Variants in RETREG1 observed in about 807,000 individuals in gnomAD.
The protein encoded by RETREG1 is reticulophagy regulator 1.
RETREG1 carries 44 observed loss-of-function variants against 54.8 expected under a neutral mutation model. The observed-to-expected ratio is 0.80, with a 90% CI of 0.63 to 1.03. The LOEUF is 1.03. RETREG1 is among the 50% of genes least tolerant of loss of function. RETREG1 has a pLI of 0.00. For missense variants in RETREG1, 554 were observed against 605.1 expected, an observed-to-expected ratio of 0.92 and a Z score of 0.89; for synonymous variants, 217 against 238.5, an observed-to-expected ratio of 0.91 and a Z score of 0.83.
chr5:16,547,604 G>A (rs1182488196), intron 3 of RETREG1, among the ~76,000 whole-genome samples: 1 of 152,188 alleles, frequency 6.6e-6, no homozygotes, highest in East Asian at 1.9e-4. Flanking sequence ...GTGAGACTTT[G>A]CCAAAGAATA....
chr5:16,550,492 T>G (rs544328100), intron 3 of RETREG1, among the ~76,000 whole-genome samples: 214 of 152,228 alleles, frequency 1.4e-3, no homozygotes, highest in Non-Finnish European at 2.6e-3. Flanking sequence ...CATCTGCCAG[T>G]CCACCTGTCC....
At chr5:16,569,481 G>A (rs1007538322) in intron 2 of RETREG1, among the ~76,000 whole-genome samples, 2 of 151,988 alleles carry the variant, frequency 1.3e-5, no homozygotes, top group Non-Finnish European at 2.9e-5. Flanking sequence ...CACAGAAAGG[G>A]GCTCAACACG....
chr5:16,575,079 G>A (rs188956195), intron 1 of RETREG1, among the ~76,000 whole-genome samples: 75 of 152,250 alleles, frequency 4.9e-4, no homozygotes, highest in Middle Eastern at 6.8e-3. Flanking sequence ...CAGTTTTCCC[G>A]ACCTCACGTT....
intron 3 of RETREG1, among the ~76,000 whole-genome samples, chr5:16,544,390 A>G (rs2126609865): frequency 6.6e-6 from 1 of 152,280 alleles, no homozygotes; most frequent in Non-Finnish European, 1.5e-5. Flanking sequence ...TCCCTTAGCT[A>G]TGTCAGTTAA....
At chr5:16,555,653 T>C (rs960137477) in intron 3 of RETREG1, among the ~76,000 whole-genome samples, 1 of 152,238 alleles carries the variant, frequency 6.6e-6, no homozygotes, top group East Asian at 1.9e-4. Context: ...GGTATTCTTC[T>C]GTGTAGTTTC....
chr5:16,522,628 T>C (rs1020034344), intron 3 of RETREG1, among the ~76,000 whole-genome samples: 2 of 152,174 alleles, frequency 1.3e-5, no homozygotes, highest in African/African-American at 4.8e-5. Flanking sequence ...CCACGATAAT[T>C]CCTCATGAGG....
In RETREG1 at chr5:16,585,150, C is replaced by T. The variant is rs1191146982; in HGVS notation, c.321-13048G>A. ...GGTGGGTAGTAACAATCAGAGTCTG[C>T]TGCAGTGGAGGAGGGGAATAACCTT... On this transcript the variant is annotated intron_variant, in intron 1 of 8. Coordinates refer to ENST00000306320, the MANE Select transcript of RETREG1 (RefSeq NM_001034850.3). This position sits in a 1 kb window ranked among gnomAD's most constrained non-coding sequence, Gnocchi z 4.5. 6.6e-6 allele frequency among the ~76,000 whole-genome samples: 1 copy of T among 152,150 alleles called. No homozygotes were observed. Among genetic ancestry groups the T allele is most frequent in the East Asian group, 1.9e-4 (1 of 5,188 alleles).
intron 3 of RETREG1, among the ~76,000 whole-genome samples, chr5:16,541,631 G>A (rs1741248344): frequency 6.6e-6 from 1 of 151,988 alleles, no homozygotes; most frequent in Non-Finnish European, 1.5e-5. Flanking sequence ...AGGTTGCAGT[G>A]AGCCAAGATC....
At chr5:16,519,874 T>C (rs1740475065) in intron 3 of RETREG1, among the ~76,000 whole-genome samples, 2 of 152,214 alleles carry the variant, frequency 1.3e-5, no homozygotes, top group Non-Finnish European at 2.9e-5. Context: ...TTTGTTCATT[T>C]GTTTGTTATG....
intron 3 of RETREG1, among the ~76,000 whole-genome samples, chr5:16,499,373 A>T (rs555235238): frequency 2.0e-5 from 3 of 152,372 alleles, no homozygotes; most frequent in Non-Finnish European, 4.4e-5. Flanking sequence ...TATGTGCCAT[A>T]TAATTTGCGA....
intron 3 of RETREG1, among the ~76,000 whole-genome samples, chr5:16,507,397 G>A (rs989292866): frequency 4.6e-5 from 7 of 152,160 alleles, no homozygotes; most frequent in African/African-American, 1.2e-4. Context: ...GGATACATAC[G>A]AGTAAATCAA....
intron 1 of RETREG1, among the ~76,000 whole-genome samples, chr5:16,601,136 G>A (rs1180336409): frequency 6.6e-6 from 1 of 152,138 alleles, no homozygotes; most frequent in Non-Finnish European, 1.5e-5. Flanking sequence ...GGAGGTGGAG[G>A]CCAGAGGATT....
chr5:16,506,473 TTTTG>T (rs1165753057), intron 3 of RETREG1, among the ~76,000 whole-genome samples: 1 of 105,380 alleles, frequency 9.5e-6, no homozygotes, highest in Non-Finnish European at 2.1e-5. Context: ...CTTTTTGTTT[TTTTG>T]TTTTTTTTTT....
In RETREG1 at chr5:16,509,239, C is replaced by A. The variant is rs944634317; in HGVS notation, c.459-25767G>T. On this transcript the variant is annotated intron_variant, in intron 3 of 8. Coordinates refer to ENST00000306320, the MANE Select transcript of RETREG1 (RefSeq NM_001034850.3). ...CGCCTAGCCACTCGGCAAAAAGATCCCTTACTCAAAAAGGTTTAAAACAAA... is the reference window on the plus strand; with the variant it reads ...CGCCTAGCCACTCGGCAAAAAGATCACTTACTCAAAAAGGTTTAAAACAAA... 3.2e-5 allele frequency: 5 copies of A among 155,760 alleles called. 1 individual carries two copies. The highest frequency in any genetic ancestry group is 2.0e-4 in the South Asian group (1 of 4,918). The allele number at this position is 155,760 out of a possible 1,614,324, so 9.6% of individuals were successfully genotyped here. A position where few individuals can be genotyped will look rare whatever the true frequency, so the allele number is the denominator to read the frequency against.
At chr5:16,591,819 A>G (rs1742782627) in intron 1 of RETREG1, among the ~76,000 whole-genome samples, 2 of 152,230 alleles carry the variant, frequency 1.3e-5, no homozygotes, top group Admixed American at 1.3e-4. Flanking sequence ...AAGAAAGACA[A>G]AGCCCATGAA....
In RETREG1 at chr5:16,615,412, A is replaced by AAAAGAAAG. The variant is rs1236749186; in HGVS notation, c.320+1232_320+1239dup. ...GAGACTCCATCTCAAAAAAAAAAAA[A>AAAAGAAAG]AAAGAAAGAAAGAAAGAAAAGAAAA... On this transcript the variant is annotated intron_variant, in intron 1 of 8. Transcript: ENST00000306320. Among the ~76,000 whole-genome samples the AAAAGAAAG allele has an allele frequency of 3.3e-3, 500 of 150,124 alleles. 4 individuals are homozygous for AAAAGAAAG. The highest frequency in any genetic ancestry group is 0.012 in the African/African-American group (480 of 40,160).
chr5:16,609,319 C>T (rs913070439), intron 1 of RETREG1, among the ~76,000 whole-genome samples: 1 of 152,184 alleles, frequency 6.6e-6, no homozygotes, highest in Admixed American at 6.5e-5. Flanking sequence ...CATGTGAACA[C>T]CCTTTATCAT....
Position 16,473,640 on chromosome 5 carries a change from A to C in RETREG1, c.*1101T>G, listed in dbSNP as rs1039778217. 3.3e-5 allele frequency: 5 copies of C among 152,568 alleles called. No individual in the cohort carries two copies. Among genetic ancestry groups the C allele is most frequent in the African/African-American group, 9.7e-5 (4 of 41,436 alleles). The allele number at this position is 152,568 out of a possible 1,614,324, so 9.5% of individuals were successfully genotyped here. On this transcript the variant is annotated 3_prime_UTR_variant, in exon 9 of 9. Coordinates refer to ENST00000306320, the MANE Select transcript of RETREG1 (RefSeq NM_001034850.3). ...TCAGCTCTTTAGTCCTTTGTTAAAA[A>C]CCATAAATCAAATTTGGTTATTTAA...
At chr5:16,496,644 T>A (rs1739470638) in intron 3 of RETREG1, among the ~76,000 whole-genome samples, 1 of 152,120 alleles carries the variant, frequency 6.6e-6, no homozygotes, top group South Asian at 2.1e-4. Flanking sequence ...GGAAGCTGGG[T>A]ATTTGGAAAC....
Sources: gnomAD v4.1 joint callset for allele counts (sites outside exome capture counted in the v4.1 genomes callset) on GRCh38, gnomAD v4.1.1 for gene constraint, Gnocchi (gnomAD v3.1) non-coding constraint, MANE v1.5 for transcripts, NCBI Gene and HGNC (gene_info 2026-07-23, HGNC 2026-07-21) for gene names.